Variants in CNTNAP2 observed in about 807,000 individuals in gnomAD.
CNTNAP2 encodes contactin-associated protein-like 2.
A neutral mutation model predicts 155.2 loss-of-function variants in CNTNAP2; 98 were observed. That is an observed-to-expected ratio of 0.63 (90% CI 0.54 to 0.75). The LOEUF is 0.75. Ranked by LOEUF, CNTNAP2 falls within the 30% of genes least tolerant of loss-of-function variation. CNTNAP2 has a pLI of 0.00. For synonymous variants in CNTNAP2, 651 were observed against 631.2 expected, an observed-to-expected ratio of 1.03 and a Z score of -0.47; for missense variants, 1,727 against 1,688.1, an observed-to-expected ratio of 1.02 and a Z score of -0.40.
At chr7:148,313,313 C>T (rs1247515357) in intron 21 of CNTNAP2, among the ~76,000 whole-genome samples, 2 of 151,042 alleles carry the variant, frequency 1.3e-5, no homozygotes, top group Non-Finnish European at 3.0e-5. Flanking sequence ...GGGCAGCGTC[C>T]GTCTTCAGCC....
intron 1 of CNTNAP2, among the ~76,000 whole-genome samples, chr7:146,691,706 G>C (rs1295756067): frequency 1.3e-5 from 2 of 152,032 alleles, no homozygotes; most frequent in Admixed American, 1.3e-4. Context: ...GTTAGAGCCA[G>C]GTTCGTAATT....
intron 12 of CNTNAP2, among the ~76,000 whole-genome samples, chr7:147,581,228 T>C (rs1315093194): frequency 6.6e-6 from 1 of 152,222 alleles, no homozygotes; most frequent in East Asian, 1.9e-4. Context: ...CCAGGTGCCA[T>C]TCTAGAGGTA....
At chr7:148,260,087 T>C (rs1021695379) in intron 20 of CNTNAP2, among the ~76,000 whole-genome samples, 1 of 152,204 alleles carries the variant, frequency 6.6e-6, no homozygotes, top group African/African-American at 2.4e-5. Flanking sequence ...CAGGGTTCAT[T>C]TGAAAAGAGG....
At chr7:147,236,654 G>T (rs2645057) in intron 8 of CNTNAP2, among the ~76,000 whole-genome samples, 12,870 of 151,448 alleles carry the variant, frequency 0.085, 572 homozygotes, top group Middle Eastern at 0.099. Flanking sequence ...TCTCTAGAAA[G>T]AAATTTCTAT....
intron 1 of CNTNAP2, among the ~76,000 whole-genome samples, chr7:146,291,684 A>T (rs1563024021): frequency 6.6e-6 from 1 of 152,248 alleles, no homozygotes; most frequent in South Asian, 2.1e-4. Context: ...GATTTAAAAA[A>T]TTAAAATTAT....
At chr7:147,089,625 T>A (rs1317495759) in intron 4 of CNTNAP2, among the ~76,000 whole-genome samples, 2 of 152,168 alleles carry the variant, frequency 1.3e-5, no homozygotes, top group African/African-American at 2.4e-5. Flanking sequence ...AATCTAGGCC[T>A]TGGGTAGGAG....
At chr7:146,548,846 A>C (rs1483772751) in intron 1 of CNTNAP2, among the ~76,000 whole-genome samples, 1 of 141,636 alleles carries the variant, frequency 7.1e-6, no homozygotes, top group African/African-American at 2.6e-5. Flanking sequence ...TGCTGTACAG[A>C]AGCTTTTTAG....
At chr7:146,677,510 G>T (rs992342920) in intron 1 of CNTNAP2, among the ~76,000 whole-genome samples, 1 of 152,134 alleles carries the variant, frequency 6.6e-6, no homozygotes, top group Non-Finnish European at 1.5e-5. Flanking sequence ...GAGAAGAGGG[G>T]TCTATTCAGA....
chr7:148,288,850 A>G (rs2116476658), intron 21 of CNTNAP2, among the ~76,000 whole-genome samples: 1 of 151,400 alleles, frequency 6.6e-6, no homozygotes, highest in Admixed American at 6.6e-5. Context: ...GACAACAACT[A>G]CATGCTTGAG....
chr7:147,013,380 G>A (rs1798661119), intron 3 of CNTNAP2, among the ~76,000 whole-genome samples: 1 of 152,030 alleles, frequency 6.6e-6, no homozygotes, highest in Non-Finnish European at 1.5e-5. Flanking sequence ...TTTTAGCTTT[G>A]TGCTAAGTGG....
intron 18 of CNTNAP2, among the ~76,000 whole-genome samples, chr7:148,198,195 C>G (rs913390411): frequency 2.6e-5 from 4 of 152,178 alleles, no homozygotes; most frequent in East Asian, 1.9e-4. Flanking sequence ...CCACCACCCC[C>G]CATGGCAGCA....
At chr7:146,325,769 A>C (rs1280785249) in intron 1 of CNTNAP2, among the ~76,000 whole-genome samples, 1 of 152,116 alleles carries the variant, frequency 6.6e-6, no homozygotes, top group Non-Finnish European at 1.5e-5. Context: ...AGACATTTTC[A>C]ATAAAAAAAA....
chr7:147,564,791 CA>C (rs1800135854), intron 12 of CNTNAP2, among the ~76,000 whole-genome samples: 1 of 152,130 alleles, frequency 6.6e-6, no homozygotes, highest in East Asian at 1.9e-4. Context: ...CTCAGCACTT[CA>C]AATGACTTCT....
chr7:147,059,234 A>G (rs1216580543), intron 4 of CNTNAP2, among the ~76,000 whole-genome samples: 23 of 152,170 alleles, frequency 1.5e-4, no homozygotes, highest in Admixed American at 1.5e-3. Context: ...AATATGTTCT[A>G]TTGAAAGTTC....
chr7:147,083,771 CAT>C (rs1351983094), intron 4 of CNTNAP2, among the ~76,000 whole-genome samples: 6 of 140,086 alleles, frequency 4.3e-5, no homozygotes, highest in Admixed American at 1.5e-4. Context: ...TGTGTATACA[CAT>C]ATATGTATAT....
chr7:146,490,059 CT>C (rs1446988384), intron 1 of CNTNAP2, among the ~76,000 whole-genome samples: 1 of 152,146 alleles, frequency 6.6e-6, no homozygotes, highest in Non-Finnish European at 1.5e-5. Context: ...ATAGATTTGA[CT>C]TGTAGCTTGG....
At chr7:147,483,202 C>T (rs960410103) in intron 10 of CNTNAP2, among the ~76,000 whole-genome samples, 1 of 147,378 alleles carries the variant, frequency 6.8e-6, no homozygotes, top group Admixed American at 6.9e-5. Context: ...GTGGATCCAA[C>T]CAATGGCAAA....
At chr7:147,012,237 A>G (rs772847075) in intron 3 of CNTNAP2, among the ~76,000 whole-genome samples, 28 of 151,906 alleles carry the variant, frequency 1.8e-4, no homozygotes, top group Non-Finnish European at 2.8e-4. Context: ...AGCTTTGTGC[A>G]TTAGATAGTA....
intron 21 of CNTNAP2, among the ~76,000 whole-genome samples, chr7:148,325,713 T>C (rs1797873173): frequency 6.6e-6 from 1 of 152,202 alleles, no homozygotes; most frequent in Non-Finnish European, 1.5e-5. Context: ...GATTAGTCAA[T>C]CTGCTAGCAC....
Sources: allele counts gnomAD v4.1 joint callset (sites outside exome capture counted in the v4.1 genomes callset), GRCh38; gene constraint gnomAD v4.1.1; transcripts MANE v1.5; gene names NCBI Gene and HGNC (gene_info 2026-07-23, HGNC 2026-07-21).